Variants in SLC5A8 observed in about 807,000 individuals in gnomAD.
SLC5A8 encodes solute carrier family 5 member 8.
SLC5A8 carries 55 observed loss-of-function variants against 71.9 expected under a neutral mutation model. That is an observed-to-expected ratio of 0.77 (90% CI 0.62 to 0.96). SLC5A8 has a LOEUF of 0.96. Ranked by LOEUF, SLC5A8 falls within the 40% of genes least tolerant of loss-of-function variation. The pLI is 0.00. For synonymous variants in SLC5A8, 307 were observed against 276.1 expected (o/e 1.11, Z -1.11); for missense variants, 701 against 745.3 (o/e 0.94, Z 0.69).
Position 101,187,486 on chromosome 12 carries a change from C to G in SLC5A8, c.863G>C (p.Trp288Ser). 6.2e-7 allele frequency: 1 copy of G among 1,613,684 alleles called. No individual in the cohort carries two copies. The highest frequency in any genetic ancestry group is 8.5e-7 in the Non-Finnish European group (1 of 1,179,868). ...AAACACTGAGCATGTGAGGATTGCCCAGAGTCCCACAAGATTGATGTAGAG... is the reference window on the plus strand; with the variant it reads ...AAACACTGAGCATGTGAGGATTGCCGAGAGTCCCACAAGATTGATGTAGAG... ...LSLYINLVGLWAILTCSVFCG... is the reference protein window; with the variant it reads ...LSLYINLVGLSAILTCSVFCG... The change falls in exon 7 of 15, where the codon TGG becomes TCG. Residue 288 changes from tryptophan to serine, a missense_variant. Coordinates refer to ENST00000536262, the MANE Select transcript of SLC5A8 (RefSeq NM_145913.5).
intron 2 of SLC5A8, 83 bp downstream of exon 2, chr12:101,204,417 G>T: frequency 1.7e-6 from 2 of 1,183,756 alleles, no homozygotes; most frequent in Non-Finnish European, 2.4e-6. Flanking sequence ...TCTTTTATGT[G>T]ATTCCCAGGT....
rs372186123 is a variant in SLC5A8, at chr12:101,158,550, G to GTC, written c.1631-224_1631-223dup. 4.2e-3 allele frequency among the ~76,000 whole-genome samples: 205 copies of GTC among 48,408 alleles called. 4 individuals carry two copies. Among genetic ancestry groups the GTC allele is most frequent in the Non-Finnish European group, 5.9e-3 (136 of 22,916 alleles). The allele number at this position is 48,408 out of a possible 152,430, so 31.8% of individuals were successfully genotyped here. A position where few individuals can be genotyped will look rare whatever the true frequency, so the allele number is the denominator to read the frequency against. The stretch of plus-strand genomic sequence containing the variant: ...AAGCCTCTCACTATAATAAATATGA[G>GTC]TCTCTCTCTCTCTCTCTCTCTCTCT... On this transcript the variant is annotated intron_variant, in intron 13 of 14. Coordinates refer to ENST00000536262, the MANE Select transcript of SLC5A8 (RefSeq NM_145913.5).
At chr12:101,182,745 TG>T in intron 9 of SLC5A8, 57 bp downstream of exon 9, 1 of 1,250,474 alleles carries the variant, frequency 8.0e-7, no homozygotes, top group Non-Finnish European at 1.1e-6. Flanking sequence ...AAGAAATTTT[TG>T]TGTCTCAAAA....
In SLC5A8 at chr12:101,210,144, G is replaced by A. The variant is rs1052304142; in HGVS notation, c.-296C>T. 6 of 384,630 alleles carry A rather than the reference G, an allele frequency of 1.6e-5. No homozygotes were observed. The Admixed American group carries it at 2.7e-4, about 17-fold the overall frequency. The allele number at this position is 384,630 out of a possible 1,614,324, so 23.8% of individuals were successfully genotyped here. On this transcript the variant is annotated 5_prime_UTR_variant, in exon 1 of 15. Coordinates refer to ENST00000536262, the MANE Select transcript of SLC5A8 (RefSeq NM_145913.5). ...GTGAGGAACTGGAGTGGCCGAGTTC[G>A]CCAAGGCGCCGGGGACACCTGAGCA...
intron 3 of SLC5A8, among the ~76,000 whole-genome samples, chr12:101,198,763 C>G (rs1869306227): frequency 6.6e-6 from 1 of 151,862 alleles, no homozygotes; most frequent in South Asian, 2.1e-4. Flanking sequence ...GGAGGGAACA[C>G]TTTTCAATTC....
chr12:101,185,413 G>A (rs772289008), intron 7 of SLC5A8, among the ~76,000 whole-genome samples: 17 of 152,190 alleles, frequency 1.1e-4, no homozygotes, highest in East Asian at 1.9e-4. Context: ...TAATTATTTC[G>A]TATCTGAGTG....
chr12:101,169,504 G>T lies in SLC5A8; in HGVS notation c.1234-1322C>A, dbSNP rs117955473. On this transcript the variant is annotated intron_variant, in intron 10 of 14. Transcript: ENST00000536262. Reference sequence around the variant, plus strand: ...TCATTCATTCATATAATCAGGGATGGGGTCAAACTATTTTACAACTGCTAT... The same window carrying T: ...TCATTCATTCATATAATCAGGGATGTGGTCAAACTATTTTACAACTGCTAT... 9.3e-3 allele frequency among the ~76,000 whole-genome samples: 1,410 copies of T among 152,290 alleles called. 19 individuals carry two copies. The highest frequency in any genetic ancestry group is 0.065 in the Middle Eastern group (19 of 294).
At chr12:101,195,266 T>A in intron 3 of SLC5A8, 104 bp from the exon 4 acceptor site, 1 of 1,202,418 alleles carries the variant, frequency 8.3e-7, no homozygotes, top group Non-Finnish European at 1.2e-6. Context: ...TCAGGCACCT[T>A]CCTCTATACC....
chr12:101,205,237 T>A (rs2137172028), intron 1 of SLC5A8, among the ~76,000 whole-genome samples: 1 of 152,346 alleles, frequency 6.6e-6, no homozygotes, highest in South Asian at 2.1e-4. Context: ...GTTTCTGTCC[T>A]TTCCAAGGCT....
At chr12:101,158,598 C>CTCTCTATATATATA (rs1411795424) in intron 13 of SLC5A8, among the ~76,000 whole-genome samples, 10 of 21,216 alleles carry the variant, frequency 4.7e-4, no homozygotes, top group Admixed American at 1.4e-3. Flanking sequence ...CTCTCTCTCT[C>CTCTCTATATATATA]TATATATATA....
intron 12 of SLC5A8, 114 bp downstream of exon 12, chr12:101,166,380 C>G (rs2051770176): frequency 1.2e-6 from 1 of 800,242 alleles, no homozygotes; most frequent in Non-Finnish European, 1.9e-6. Flanking sequence ...GGGTTTTACT[C>G]ATTTCAGAAT....
intron 10 of SLC5A8, among the ~76,000 whole-genome samples, chr12:101,172,131 T>A (rs2051835662): frequency 6.6e-6 from 1 of 152,154 alleles, no homozygotes; most frequent in African/African-American, 2.4e-5. Flanking sequence ...TTCAAGGTGT[T>A]GTCCATTCCA....
chr12:101,177,063 T>TA lies in SLC5A8; in HGVS notation c.1233+2965dup, dbSNP rs201433556. On this transcript the variant is annotated intron_variant, in intron 10 of 14. Transcript: ENST00000536262. ...AAAATAAGATACAAATTACCAATAT[T>TA]AGGAATGGAACAGGGGCTATCACTA... Among the ~76,000 whole-genome samples, 820 of 152,092 alleles carry TA rather than the reference T, an allele frequency of 5.4e-3. 7 individuals carry two copies. Among genetic ancestry groups the TA allele is most frequent in the African/African-American group, 0.019 (785 of 41,508 alleles).
intron 5 of SLC5A8, among the ~76,000 whole-genome samples, chr12:101,192,538 GA>G (rs975932234): frequency 2.0e-5 from 3 of 152,174 alleles, no homozygotes; most frequent in Admixed American, 2.0e-4. Flanking sequence ...ATCCAAAACG[GA>G]AGGCGTTTTC....
intron 8 of SLC5A8, among the ~76,000 whole-genome samples, chr12:101,183,917 T>G (rs1420208533): frequency 6.6e-6 from 1 of 152,058 alleles, no homozygotes; most frequent in Non-Finnish European, 1.5e-5. Context: ...TGGTGGTGTA[T>G]TAGAGAGCAG....
At chr12:101,158,633 T>G (rs1343827934) in intron 13 of SLC5A8, among the ~76,000 whole-genome samples, 45 of 125,502 alleles carry the variant, frequency 3.6e-4, no homozygotes, top group African/African-American at 1.3e-3. Flanking sequence ...TATATATATA[T>G]GTATCATATA....
chr12:101,190,584 T>C lies in SLC5A8; in HGVS notation c.717A>G (p.Arg239=), dbSNP rs150226480. ...FWNFNPNPLQ[R]HTFWTIIIGG... Reference sequence around the variant, plus strand: ...CTATAATAATTGTCCAGAAGGTGTGTCTTTGCAAAGGGTTAGGATTAAAAC... The same window carrying C: ...CTATAATAATTGTCCAGAAGGTGTGCCTTTGCAAAGGGTTAGGATTAAAAC... Residue 239 remains arginine, a synonymous_variant, in exon 6 of 15, where the codon AGA becomes AGG. Transcript: ENST00000536262. 13 of 1,612,350 alleles carry C rather than the reference T, an allele frequency of 8.1e-6. No individual in the cohort carries two copies. Among genetic ancestry groups the C allele is most frequent in the South Asian group, 1.1e-5 (1 of 90,680 alleles).
chr12:101,177,373 G>A (rs1188941633), intron 10 of SLC5A8, among the ~76,000 whole-genome samples: 1 of 151,298 alleles, frequency 6.6e-6, no homozygotes, highest in Non-Finnish European at 1.5e-5. Context: ...CTAGAAAATA[G>A]AAAACAGAAT....
At position 101,168,201 on chromosome 12, in the gene SLC5A8, G is replaced by A. The variant is rs377381388; in HGVS notation, c.1234-19C>T. ...GTGCTGCCTACAAAAATAATACAAC[G>A]TCAGCAATTAGCAATCTCAAATCGA... On this transcript the variant is annotated intron_variant, in intron 10 of 14. Coordinates refer to ENST00000536262, the MANE Select transcript of SLC5A8 (RefSeq NM_145913.5). 7.9e-5 allele frequency: 125 copies of A among 1,579,502 alleles called. No individual in the cohort carries two copies. The East Asian group carries it at 8.9e-4, about 11-fold the overall frequency.
Sources: allele counts gnomAD v4.1 joint callset (sites outside exome capture counted in the v4.1 genomes callset), GRCh38; gene constraint gnomAD v4.1.1; transcripts MANE v1.5; gene names NCBI Gene and HGNC (gene_info 2026-07-23, HGNC 2026-07-21).